Variants in GRIK2 observed in about 807,000 individuals in gnomAD.
GRIK2 encodes the protein glutamate ionotropic receptor kainate type subunit 2, also known as glutamate receptor ionotropic, kainate 2.
A neutral mutation model predicts 100.3 loss-of-function variants in GRIK2; 32 were observed. The ratio of observed to expected loss-of-function variants is 0.32; its 90% confidence interval spans 0.24 to 0.43. The LOEUF (loss-of-function observed/expected upper bound fraction) is 0.43, where lower values mean the gene tolerates loss of function less well. Among genes scored for constraint, GRIK2 ranks in the 20% least tolerant of loss-of-function variants. The pLI, the probability that GRIK2 is intolerant of heterozygous loss-of-function variation, is 1.00. For missense variants in GRIK2, 843 were observed against 1,114.9 expected, an observed-to-expected ratio of 0.76 and a Z score of 3.47; for synonymous variants, 417 against 389.4, an observed-to-expected ratio of 1.07 and a Z score of -0.83.
At chr6:101,840,846 G>A (rs1449049555) in intron 10 of GRIK2, among the ~76,000 whole-genome samples, 1 of 152,062 alleles carries the variant, frequency 6.6e-6, no homozygotes, top group Non-Finnish European at 1.5e-5. Flanking sequence ...TATTGGAAAA[G>A]CAAACAAAAC....
intron 7 of GRIK2, among the ~76,000 whole-genome samples, chr6:101,721,467 G>A (rs971296642): frequency 2.0e-5 from 3 of 151,868 alleles, no homozygotes; most frequent in African/African-American, 7.3e-5. Context: ...GCTGAGATGG[G>A]AGGATCACCT....
chr6:101,976,042 G>A (rs1793359540), intron 14 of GRIK2, among the ~76,000 whole-genome samples: 1 of 151,930 alleles, frequency 6.6e-6, no homozygotes, highest in African/African-American at 2.4e-5. Flanking sequence ...GAGGGTAGAG[G>A]TAGAGGGGTC....
intron 11 of GRIK2, among the ~76,000 whole-genome samples, chr6:101,872,721 C>T (rs2128449048): frequency 6.6e-6 from 1 of 151,994 alleles, no homozygotes; most frequent in African/African-American, 2.4e-5. Flanking sequence ...TCTTTTTCAT[C>T]TTATTCCCTA....
At chr6:101,905,994 C>T (rs922138924) in intron 12 of GRIK2, among the ~76,000 whole-genome samples, 1 of 151,486 alleles carries the variant, frequency 6.6e-6, no homozygotes, top group Non-Finnish European at 1.5e-5. Flanking sequence ...TAGTTTAATA[C>T]AGCAACTAAA....
intron 7 of GRIK2, among the ~76,000 whole-genome samples, chr6:101,731,778 C>CA (rs1257203607): frequency 6.6e-6 from 1 of 151,844 alleles, no homozygotes; most frequent in East Asian, 1.9e-4. Flanking sequence ...GTATGAAAGT[C>CA]ACTTAAAACC....
intron 10 of GRIK2, among the ~76,000 whole-genome samples, chr6:101,838,084 G>A (rs906914905): frequency 6.6e-6 from 1 of 151,956 alleles, no homozygotes; most frequent in African/African-American, 2.4e-5. Context: ...GAAATCACAG[G>A]GACACAGAGA....
intron 7 of GRIK2, among the ~76,000 whole-genome samples, chr6:101,791,024 G>T (rs1412581551): frequency 6.6e-6 from 1 of 152,120 alleles, no homozygotes; most frequent in East Asian, 1.9e-4. Flanking sequence ...TCTGATGGTA[G>T]TTTGTATTTC....
chr6:101,858,890 A>T (rs1203965343), intron 10 of GRIK2, among the ~76,000 whole-genome samples: 1 of 151,936 alleles, frequency 6.6e-6, no homozygotes, highest in Non-Finnish European at 1.5e-5. Context: ...AGCATACCAG[A>T]TATTGATTAA....
intron 14 of GRIK2, among the ~76,000 whole-genome samples, chr6:101,939,568 C>T (rs1790826802): frequency 6.6e-6 from 1 of 152,048 alleles, no homozygotes; most frequent in African/African-American, 2.4e-5. Context: ...AACAAATATT[C>T]TGGATTACTC....
intron 14 of GRIK2, among the ~76,000 whole-genome samples, chr6:101,942,627 C>T (rs1351603070): frequency 6.6e-6 from 1 of 152,098 alleles, no homozygotes; most frequent in East Asian, 1.9e-4. Context: ...TGGCATTGTG[C>T]TCTTGCTCTA....
intron 2 of GRIK2, among the ~76,000 whole-genome samples, chr6:101,578,252 A>G (rs567130973): frequency 1.3e-5 from 2 of 152,328 alleles, no homozygotes; most frequent in African/African-American, 2.4e-5. Flanking sequence ...GAAATGAACA[A>G]GAGAGTACTG....
At chr6:101,658,662 A>C (rs1018925574) in intron 4 of GRIK2, among the ~76,000 whole-genome samples, 1 of 152,016 alleles carries the variant, frequency 6.6e-6, no homozygotes, top group Non-Finnish European at 1.5e-5. Context: ...AAGCATTGCT[A>C]TTTCCCACAT....
At chr6:102,047,693 G>A (rs1770967712) in intron 15 of GRIK2, among the ~76,000 whole-genome samples, 1 of 151,702 alleles carries the variant, frequency 6.6e-6, no homozygotes, top group Admixed American at 6.6e-5. Flanking sequence ...AGGTTGCAGT[G>A]AGCCAAGATC....
intron 10 of GRIK2, among the ~76,000 whole-genome samples, chr6:101,839,763 T>G (rs1296449388): frequency 6.6e-6 from 1 of 152,068 alleles, no homozygotes; most frequent in East Asian, 1.9e-4. Context: ...GAAGAATATA[T>G]CATTTGCAAA....
rs577394176 is a variant in GRIK2 at position 101,696,406 on chromosome 6, C to T, written c.951+10053C>T. ...GTTTTAAATTACCTACCTCTGGATC[C>T]CACCAGTGTAGAATTTCTCCTGCCT... On this transcript the variant is annotated intron_variant, in intron 7 of 16. Coordinates refer to ENST00000369134, the MANE Select transcript of GRIK2 (RefSeq NM_021956.5). Among the ~76,000 whole-genome samples the T allele has an allele frequency of 1.8e-4, 27 of 151,726 alleles. No individual in the cohort carries two copies. The East Asian group carries it at 1.9e-3, about 11-fold the overall frequency.
chr6:102,047,705 C>T (rs1248637684), intron 15 of GRIK2, among the ~76,000 whole-genome samples: 1 of 151,646 alleles, frequency 6.6e-6, no homozygotes, highest in Non-Finnish European at 1.5e-5. Flanking sequence ...GCCAAGATCA[C>T]ACCAATGCAC....
chr6:102,034,533 C>A (rs774050071), intron 14 of GRIK2, among the ~76,000 whole-genome samples: 1 of 151,308 alleles, frequency 6.6e-6, no homozygotes, highest in Non-Finnish European at 1.5e-5. Context: ...TTTCAAGGAG[C>A]AGATGCTAAC....
chr6:101,813,393 ATACCTT>A (rs1284663583), intron 9 of GRIK2, among the ~76,000 whole-genome samples: 1 of 152,168 alleles, frequency 6.6e-6, no homozygotes, highest in East Asian at 1.9e-4. Context: ...GGCAGCAAAA[ATACCTT>A]TAAGTCTGCA....
intron 14 of GRIK2, among the ~76,000 whole-genome samples, chr6:101,955,743 T>C (rs1029215133): frequency 2.6e-5 from 4 of 152,126 alleles, no homozygotes; most frequent in African/African-American, 4.8e-5. Context: ...CCTTTTTTTT[T>C]CTGTTAGATT....
Sources: allele counts gnomAD v4.1 joint callset (sites outside exome capture counted in the v4.1 genomes callset), GRCh38; gene constraint gnomAD v4.1.1; transcripts MANE v1.5; gene names NCBI Gene and HGNC (gene_info 2026-07-23, HGNC 2026-07-21).